ZNF280D: variants seen among roughly 807,000 people sequenced by gnomAD.
The protein encoded by ZNF280D is zinc finger protein 280D.
A neutral mutation model predicts 94.7 loss-of-function variants in ZNF280D; 39 were observed. The ratio of observed to expected loss-of-function variants is 0.41; its 90% CI spans 0.32 to 0.54. The LOEUF (loss-of-function observed/expected upper bound fraction) is 0.54. ZNF280D is among the 20% of genes least tolerant of loss of function. The pLI, the probability that ZNF280D is intolerant of heterozygous loss-of-function variation, is 0.22. For missense variants in ZNF280D, 1,090 were observed against 1,149.3 expected (o/e 0.95, Z 0.75); for synonymous variants, 398 against 377.6 (o/e 1.05, Z -0.63).
intron 17 of ZNF280D, 100 bp from the exon 18 acceptor site, chr15:56,654,603 T>TA (rs2053419334): frequency 2.0e-6 from 2 of 1,014,844 alleles, no homozygotes; most frequent in East Asian, 5.0e-5. Context: ...GTGCCATACA[T>TA]AACTATAACT....
At position 56,666,795 on chromosome 15, in the gene ZNF280D, C is replaced by T. The variant is rs1049208332; in HGVS notation, c.1737G>A (p.Lys579=). The change falls in exon 15 of 22, where the codon AAG becomes AAA. Residue 579 remains lysine, a synonymous_variant. Transcript: ENST00000267807. ...KSNASKPNTS[K]PNGSKSKYKP... Reference sequence around the variant, plus strand: ...TGTATTTAGATTTACTTCCATTAGGCTTACTTGTATTAGGTTTACTTGCGT... The same window carrying T: ...TGTATTTAGATTTACTTCCATTAGGTTTACTTGTATTAGGTTTACTTGCGT... 5 of 1,613,712 alleles carry T rather than the reference C, an allele frequency of 3.1e-6. No individual in the cohort carries two copies. Among genetic ancestry groups the T allele is most frequent in the Admixed American group, 1.7e-5 (1 of 59,974 alleles).
At chr15:56,726,901 A>G (rs1361135697) in intron 1 of ZNF280D, among the ~76,000 whole-genome samples, 1 of 152,212 alleles carries the variant, frequency 6.6e-6, no homozygotes, top group Non-Finnish European at 1.5e-5. Context: ...GAGAAGAAGC[A>G]TACAATTTTT....
intron 13 of ZNF280D, among the ~76,000 whole-genome samples, chr15:56,670,257 G>T (rs1005690722): frequency 6.7e-6 from 1 of 149,946 alleles, no homozygotes; most frequent in African/African-American, 2.5e-5. Flanking sequence ...TTGATACACA[G>T]GTAAACGTGT....
chr15:56,667,147 AATG>A (rs1277765555), intron 14 of ZNF280D, among the ~76,000 whole-genome samples, 161 bp from the exon 15 acceptor site: 1 of 152,202 alleles, frequency 6.6e-6, no homozygotes, highest in Non-Finnish European at 1.5e-5. Context: ...CAAACTATTA[AATG>A]ATATTAAACT....
At chr15:56,636,104 A>C (rs1323684830) in intron 20 of ZNF280D, among the ~76,000 whole-genome samples, 2 of 152,208 alleles carry the variant, frequency 1.3e-5, no homozygotes, top group African/African-American at 4.8e-5. Flanking sequence ...CACCGTCTCA[A>C]AACTCTGCTA....
At chr15:56,718,746 G>A (rs1166224416) in intron 1 of ZNF280D, among the ~76,000 whole-genome samples, 1 of 152,176 alleles carries the variant, frequency 6.6e-6, no homozygotes, top group Non-Finnish European at 1.5e-5. Flanking sequence ...TCAAAACTGA[G>A]CTGAGCACAG....
chr15:56,657,194 C>T (rs376135386), intron 17 of ZNF280D, among the ~76,000 whole-genome samples: 1 of 152,102 alleles, frequency 6.6e-6, no homozygotes, highest in East Asian at 1.9e-4. Flanking sequence ...AACAATAGCG[C>T]TCAGTGGATT....
chr15:56,680,542 T>A (rs777409817), intron 10 of ZNF280D, among the ~76,000 whole-genome samples: 1 of 152,156 alleles, frequency 6.6e-6, no homozygotes, highest in East Asian at 1.9e-4. Context: ...AGACGCATGA[T>A]TACAGCTCAC....
chr15:56,675,857 A>G (rs1300498601), intron 13 of ZNF280D, among the ~76,000 whole-genome samples: 2 of 152,080 alleles, frequency 1.3e-5, no homozygotes, highest in Non-Finnish European at 2.9e-5. Flanking sequence ...ATTTGATTAC[A>G]TGATCAGATT....
chr15:56,684,717 T>C (rs1203867537), intron 9 of ZNF280D, among the ~76,000 whole-genome samples: 2 of 151,150 alleles, frequency 1.3e-5, no homozygotes, highest in African/African-American at 4.9e-5. Flanking sequence ...AGGAGAAAAG[T>C]CCATTTAAAA....
intron 6 of ZNF280D, chr15:56,698,221 A>C (rs1310803014): frequency 6.6e-6 from 1 of 152,172 alleles, no homozygotes; most frequent in African/African-American, 2.4e-5. Flanking sequence ...CTTTTGTAGT[A>C]TATATACTAG....
intron 21 of ZNF280D, among the ~76,000 whole-genome samples, chr15:56,633,484 A>G (rs2052190580): frequency 6.6e-6 from 1 of 151,768 alleles, no homozygotes; most frequent in Non-Finnish European, 1.5e-5. Flanking sequence ...AAAATCTAAT[A>G]TCTTTTTATC....
chr15:56,660,875 A>G (rs891563423), intron 16 of ZNF280D, among the ~76,000 whole-genome samples: 10 of 152,072 alleles, frequency 6.6e-5, no homozygotes, highest in Non-Finnish European at 1.5e-4. Flanking sequence ...AAGAAACATA[A>G]AAGGAACAAT....
chr15:56,701,120 A>C (rs753650215), intron 5 of ZNF280D, 48 bp from the exon 6 acceptor site: 5 of 1,610,610 alleles, frequency 3.1e-6, no homozygotes. Context: ...GTACATAATC[A>C]ATTTTGTCAA....
intron 1 of ZNF280D, chr15:56,732,885 T>C (rs1164511635): frequency 1.3e-5 from 2 of 152,162 alleles, no homozygotes; most frequent in African/African-American, 4.8e-5. Flanking sequence ...CTGTAGACAA[T>C]AACGGGAATT....
intron 16 of ZNF280D, among the ~76,000 whole-genome samples, chr15:56,662,233 T>C (rs1216696917): frequency 2.0e-5 from 3 of 152,094 alleles, no homozygotes; most frequent in Admixed American, 2.0e-4. Flanking sequence ...TATTACTACC[T>C]AAAAGCTATA....
chr15:56,698,893 T>C (rs1197411825), intron 6 of ZNF280D: 1 of 152,082 alleles, frequency 6.6e-6, no homozygotes, highest in Non-Finnish European at 1.5e-5. Flanking sequence ...TGGAAGCAAA[T>C]ACTTCCCCAA....
Position 56,653,054 on chromosome 15 carries a change from A to G in ZNF280D, c.2213+1144T>C, listed in dbSNP as rs552286349. On this transcript the variant is annotated intron_variant, in intron 19 of 21. Coordinates refer to ENST00000267807, the MANE Select transcript of ZNF280D (RefSeq NM_017661.4). ...TCAAAATGCAAGAATCGGTATTGTT[A>G]AAAAATTACAGAATTAATACTGGTT... 101 of 976,404 alleles carry G rather than the reference A, an allele frequency of 1.0e-4. No homozygotes were observed. In the African/African-American group the frequency reaches 1.7e-3, roughly 16 times the overall value. The allele number at this position is 976,404 out of a possible 1,614,324, so 60.5% of individuals were successfully genotyped here.
chr15:56,632,259 A>C, intron 21 of ZNF280D, 137 bp from the exon 22 acceptor site: 1 of 790,608 alleles, frequency 1.3e-6, no homozygotes, highest in Non-Finnish European at 1.9e-6. Flanking sequence ...CCAAGTTCCC[A>C]ATCCTCGCTA....
Sources: allele counts gnomAD v4.1 joint callset (sites outside exome capture counted in the v4.1 genomes callset), GRCh38; gene constraint gnomAD v4.1.1; transcripts MANE v1.5; gene names NCBI Gene and HGNC (gene_info 2026-07-23, HGNC 2026-07-21).